The following GMDS variants were observed in gnomAD, a reference collection of about 807,000 sequenced individuals.
The protein encoded by GMDS is GDP-mannose 4,6-dehydratase.
A neutral mutation model predicts 49.9 loss-of-function variants in GMDS; 20 were observed. The observed-to-expected ratio is 0.40, with a 90% CI of 0.28 to 0.58. GMDS has a LOEUF of 0.58. GMDS is among the 20% of genes least tolerant of loss of function. The pLI, the probability that GMDS is intolerant of heterozygous loss-of-function variation, is 0.42. For missense variants in GMDS, 362 were observed against 481.4 expected, an observed-to-expected ratio of 0.75 and a Z score of 2.32; for synonymous variants, 177 against 178.6, an observed-to-expected ratio of 0.99 and a Z score of 0.07.
At chr6:1,816,487 A>G (rs1770677390) in intron 7 of GMDS, among the ~76,000 whole-genome samples, 1 of 152,206 alleles carries the variant, frequency 6.6e-6, no homozygotes, top group Non-Finnish European at 1.5e-5. Flanking sequence ...AATTCGATTT[A>G]TTCATATACA....
chr6:1,847,402 A>C (rs1757457869), intron 7 of GMDS, among the ~76,000 whole-genome samples: 1 of 152,188 alleles, frequency 6.6e-6, no homozygotes, highest in African/African-American at 2.4e-5. Context: ...ATCATGGGGG[A>C]ACAACAATGA....
intron 1 of GMDS, among the ~76,000 whole-genome samples, chr6:2,232,096 T>C (rs934256403): frequency 6.6e-6 from 1 of 152,102 alleles, no homozygotes; most frequent in African/African-American, 2.4e-5. Context: ...AAGTATATAA[T>C]TTGGTGAGTG....
chr6:2,106,094 T>C (rs1287252179), intron 4 of GMDS, among the ~76,000 whole-genome samples: 1 of 152,186 alleles, frequency 6.6e-6, no homozygotes, highest in Non-Finnish European at 1.5e-5. Flanking sequence ...ATTTCCAAAC[T>C]AGGAACATAC....
chr6:1,632,520 G>C (rs909772389), intron 9 of GMDS, among the ~76,000 whole-genome samples: 1 of 152,204 alleles, frequency 6.6e-6, no homozygotes. Context: ...GTGTGCGTTT[G>C]TCAGAACAGA....
chr6:1,699,903 C>T (rs895020387), intron 9 of GMDS, among the ~76,000 whole-genome samples: 4 of 152,224 alleles, frequency 2.6e-5, no homozygotes, highest in African/African-American at 9.6e-5. Context: ...CTGAGGGGCA[C>T]ACACAGCCTC....
chr6:1,964,601 A>AG (rs1228506024), intron 4 of GMDS, among the ~76,000 whole-genome samples: 1 of 152,254 alleles, frequency 6.6e-6, no homozygotes, highest in East Asian at 1.9e-4. Flanking sequence ...CTTAACCATT[A>AG]GAACATAGAA....
chr6:1,825,560 A>T (rs1276157924), intron 7 of GMDS, among the ~76,000 whole-genome samples: 1 of 152,154 alleles, frequency 6.6e-6, no homozygotes, highest in Admixed American at 6.6e-5. Flanking sequence ...AAACCCACAT[A>T]GTAGAGTCTA....
chr6:2,218,619 A>G (rs532381350), intron 1 of GMDS, among the ~76,000 whole-genome samples: 3 of 152,376 alleles, frequency 2.0e-5, no homozygotes, highest in African/African-American at 7.2e-5. Context: ...CTCAGAGAGT[A>G]CAGAACATTA....
At chr6:2,076,611 T>C (rs1255355125) in intron 4 of GMDS, among the ~76,000 whole-genome samples, 1 of 152,090 alleles carries the variant, frequency 6.6e-6, no homozygotes, top group Non-Finnish European at 1.5e-5. Context: ...ATGCCACATA[T>C]CTACAACTAT....
chr6:1,951,605 C>G (rs1457098210), intron 6 of GMDS, among the ~76,000 whole-genome samples: 1 of 152,092 alleles, frequency 6.6e-6, no homozygotes, highest in Non-Finnish European at 1.5e-5. Context: ...CTATATTGCT[C>G]AGGCTGGTCT....
At chr6:2,185,277 C>A (rs1367978213) in intron 1 of GMDS, among the ~76,000 whole-genome samples, 4 of 152,180 alleles carry the variant, frequency 2.6e-5, no homozygotes, top group Non-Finnish European at 5.9e-5. Context: ...CATCCTCCTA[C>A]AAAACATGCC....
At chr6:1,740,506 A>G (rs951663113) in intron 8 of GMDS, among the ~76,000 whole-genome samples, 1 of 151,990 alleles carries the variant, frequency 6.6e-6, no homozygotes, top group African/African-American at 2.4e-5. Flanking sequence ...GTAGTGAGCC[A>G]AGATCGTGCC....
chr6:2,230,232 C>T (rs1282491981), intron 1 of GMDS, among the ~76,000 whole-genome samples: 2 of 152,174 alleles, frequency 1.3e-5, no homozygotes, highest in Non-Finnish European at 2.9e-5. Flanking sequence ...ATTACACATG[C>T]TATAAATTTT....
intron 9 of GMDS, among the ~76,000 whole-genome samples, chr6:1,722,550 A>G (rs1030032134): frequency 2.0e-5 from 3 of 152,190 alleles, no homozygotes; most frequent in Admixed American, 1.3e-4. Context: ...TCTGTGCCAG[A>G]CACTGTACTA....
intron 1 of GMDS, among the ~76,000 whole-genome samples, chr6:2,194,643 G>C (rs79927019): frequency 6.6e-6 from 1 of 152,254 alleles, no homozygotes; most frequent in East Asian, 1.9e-4. Context: ...AGGTTAAAAA[G>C]TGCTACACGC....
Position 1,990,239 on chromosome 6 carries a change from T to C in GMDS, c.346-29273A>G, listed in dbSNP as rs567639466. 3.9e-3 allele frequency among the ~76,000 whole-genome samples: 601 copies of C among 152,272 alleles called. 9 individuals carry two copies. Among genetic ancestry groups the C allele is most frequent in the African/African-American group, 0.014 (569 of 41,566 alleles). ...TGAACCCGGGAGGCGGAGTTTGCAG[T>C]GAGCCGAGATGGCACCACTGCACTC... On this transcript the variant is annotated intron_variant, in intron 4 of 10. Coordinates refer to ENST00000380815, the MANE Select transcript of GMDS (RefSeq NM_001500.4).
chr6:2,030,301 T>C (rs560197588), intron 4 of GMDS, among the ~76,000 whole-genome samples: 1 of 152,164 alleles, frequency 6.6e-6, no homozygotes, highest in South Asian at 2.1e-4. Flanking sequence ...TGTGTCAAAT[T>C]TGTGATGCTG....
At chr6:1,710,404 G>T (rs1308735837) in intron 9 of GMDS, among the ~76,000 whole-genome samples, 1 of 152,190 alleles carries the variant, frequency 6.6e-6, no homozygotes, top group Non-Finnish European at 1.5e-5. Flanking sequence ...CACGTCTGCG[G>T]CATTCATTCA....
chr6:1,917,934 A>C (rs1042716843), intron 7 of GMDS, among the ~76,000 whole-genome samples: 4 of 152,068 alleles, frequency 2.6e-5, no homozygotes, highest in African/African-American at 7.2e-5. Context: ...ATGAAATCAC[A>C]CTCACGAGGG....
Sources: allele counts gnomAD v4.1 joint callset (sites outside exome capture counted in the v4.1 genomes callset), GRCh38; gene constraint gnomAD v4.1.1; transcripts MANE v1.5; gene names NCBI Gene and HGNC (gene_info 2026-07-23, HGNC 2026-07-21).